The following RANBP2 variants were observed in gnomAD, a reference collection of about 807,000 sequenced individuals.
RANBP2 encodes the protein E3 SUMO-protein ligase RanBP2.
RANBP2 carries 57 observed loss-of-function variants against 303.6 expected under a neutral mutation model. The ratio of observed to expected loss-of-function variants is 0.19; its 90% CI spans 0.15 to 0.23. The LOEUF (loss-of-function observed/expected upper bound fraction) is 0.23, where lower values mean the gene tolerates loss of function less well. RANBP2 is among the 10% of genes least tolerant of loss of function. RANBP2 has a pLI of 1.00. For synonymous variants in RANBP2, 1,167 were observed against 1,301.5 expected, an observed-to-expected ratio of 0.90 and a Z score of 2.23; for missense variants, 3,138 against 3,780.8, an observed-to-expected ratio of 0.83 and a Z score of 4.46.
chr2:109,226,718 C>T, the RANBP2 span, among the ~76,000 whole-genome samples: 1 of 152,194 alleles, frequency 6.6e-6, no homozygotes, highest in Non-Finnish European at 1.5e-5. Context: ...GCAGGATCTC[C>T]ACGCAGAAGG....
At chr2:109,629,335 ATATATATATATATATATATATT>A in the RANBP2 span, among the ~76,000 whole-genome samples, 66 of 9,494 alleles carry the variant, frequency 7.0e-3, 4 homozygotes, top group South Asian at 0.027. Flanking sequence ...ATATATATAT[ATATATATATATATATATATATT>A]TTTTTTTTTT....
At chr2:109,730,774 CTCTTTTTTTTTTT>C in the RANBP2 span, among the ~76,000 whole-genome samples, 1 of 126,916 alleles carries the variant, frequency 7.9e-6, no homozygotes, top group South Asian at 2.8e-4. Context: ...GTCTCTCTCT[CTCTTTTTTTTTTT>C]TTTTTTTTTT....
the RANBP2 span, among the ~76,000 whole-genome samples, chr2:108,857,360 C>T: frequency 1.3e-5 from 2 of 152,004 alleles, no homozygotes; most frequent in African/African-American, 4.8e-5. Flanking sequence ...TGAGCCACTG[C>T]GCCCGGACTA....
chr2:109,105,971 A>C, the RANBP2 span, among the ~76,000 whole-genome samples: 1 of 150,058 alleles, frequency 6.7e-6, no homozygotes, highest in Non-Finnish European at 1.5e-5. Flanking sequence ...CTCCTGCCTC[A>C]GCCTCCTGAG....
chr2:109,125,159 T>G, the RANBP2 span, among the ~76,000 whole-genome samples: 4 of 152,054 alleles, frequency 2.6e-5, no homozygotes, highest in Non-Finnish European at 5.9e-5. Context: ...CTGCAGGCAC[T>G]GCTGCTGCCA....
chr2:109,590,676 G>A, the RANBP2 span, among the ~76,000 whole-genome samples: 5 of 152,222 alleles, frequency 3.3e-5, no homozygotes, highest in East Asian at 9.7e-4. Context: ...TGATCCACTC[G>A]TCTGGGCCTC....
chr2:109,651,647 T>C, the RANBP2 span, among the ~76,000 whole-genome samples: 2 of 152,236 alleles, frequency 1.3e-5, no homozygotes, highest in Non-Finnish European at 2.9e-5. Flanking sequence ...GGATCTGTGC[T>C]GACTCATACG....
the RANBP2 span, among the ~76,000 whole-genome samples, chr2:109,283,417 C>T: frequency 1.3e-5 from 2 of 152,316 alleles, no homozygotes; most frequent in African/African-American, 4.8e-5. Flanking sequence ...GTATTGAGCT[C>T]ACAGAGGGAG....
chr2:109,658,476 C>T, the RANBP2 span, among the ~76,000 whole-genome samples: 2 of 151,888 alleles, frequency 1.3e-5, no homozygotes, highest in Non-Finnish European at 2.9e-5. Flanking sequence ...AAATCAGAAC[C>T]ACAATATTCT....
At chr2:109,633,540 G>A in the RANBP2 span, among the ~76,000 whole-genome samples, 4 of 152,290 alleles carry the variant, frequency 2.6e-5, no homozygotes, top group African/African-American at 7.2e-5. Context: ...TCAAGCCTGA[G>A]GTATCATCAG....
At chr2:109,529,453 G>A in the RANBP2 span, among the ~76,000 whole-genome samples, 1 of 152,122 alleles carries the variant, frequency 6.6e-6, no homozygotes, top group Non-Finnish European at 1.5e-5. Flanking sequence ...GAAGCTCGGA[G>A]CCCAGCCCCT....
chr2:109,046,660 G>A, the RANBP2 span, among the ~76,000 whole-genome samples: 2 of 152,060 alleles, frequency 1.3e-5, no homozygotes, highest in Non-Finnish European at 2.9e-5. Context: ...GATTACAGGC[G>A]TGAGCCACCT....
chr2:109,215,557 C>T, the RANBP2 span, among the ~76,000 whole-genome samples: 1 of 152,082 alleles, frequency 6.6e-6, no homozygotes, highest in Non-Finnish European at 1.5e-5. Flanking sequence ...CTCGGGAGAG[C>T]CCCTGTCTGA....
At chr2:109,340,939 A>G in the RANBP2 span, among the ~76,000 whole-genome samples, 12 of 152,220 alleles carry the variant, frequency 7.9e-5, no homozygotes, top group Admixed American at 2.6e-4. Context: ...ATCCTCTCCA[A>G]TCTGGCTGCA....
At chr2:109,130,322 T>A in the RANBP2 span, among the ~76,000 whole-genome samples, 1 of 152,212 alleles carries the variant, frequency 6.6e-6, no homozygotes, top group East Asian at 1.9e-4. Context: ...TGTCCCATCC[T>A]CCTGTGGAGT....
At chr2:108,777,054 C>A in intron 24 of RANBP2, 76 bp from the exon 25 acceptor site, 2 of 1,179,702 alleles carry the variant, frequency 1.7e-6, no homozygotes, top group South Asian at 2.5e-5. Flanking sequence ...CTCTACTGTT[C>A]TCTCTAGGTC....
At chr2:109,738,325 G>GT in the RANBP2 span, among the ~76,000 whole-genome samples, 70,369 of 138,606 alleles carry the variant, frequency 0.51, 19,918 homozygotes, top group Non-Finnish European at 0.63. Context: ...TTTATTTATT[G>GT]TTTTTTTATT....
chr2:109,203,222 G>T, the RANBP2 span, among the ~76,000 whole-genome samples: 3 of 152,224 alleles, frequency 2.0e-5, no homozygotes, highest in African/African-American at 4.8e-5. Flanking sequence ...AGAGCCAGGA[G>T]CCTCTTCAGA....
chr2:108,899,050 C>T, the RANBP2 span, among the ~76,000 whole-genome samples: 990 of 152,268 alleles, frequency 6.5e-3, 5 homozygotes, highest in Non-Finnish European at 0.01. Context: ...TGTAAAGAGA[C>T]GTAAGTCTAC....
Sources: allele counts gnomAD v4.1 joint callset (sites outside exome capture counted in the v4.1 genomes callset), GRCh38; gene constraint gnomAD v4.1.1; transcripts MANE v1.5; gene names NCBI Gene and HGNC (gene_info 2026-07-23, HGNC 2026-07-21).